The following PCP4 variants were observed in gnomAD, a reference collection of about 807,000 sequenced individuals.
The protein encoded by PCP4 is Purkinje cell protein 4, also known as calmodulin regulator protein PCP4.
Under a neutral mutation model 10.0 loss-of-function variants are expected in PCP4, and 8 were observed. The ratio of observed to expected loss-of-function variants is 0.80; its 90% CI spans 0.47 to 1.45. The LOEUF (loss-of-function observed/expected upper bound fraction) is 1.45, where lower values mean the gene tolerates loss of function less well. Among genes scored for constraint, PCP4 ranks in the 40% most tolerant of loss-of-function variants. PCP4 has a pLI of 0.00. For synonymous variants in PCP4, 21 were observed against 23.0 expected, an observed-to-expected ratio of 0.91 and a Z score of 0.24; for missense variants, 54 against 74.4, an observed-to-expected ratio of 0.73 and a Z score of 1.01.
intron 2 of PCP4, among the ~76,000 whole-genome samples, chr21:39,912,879 T>C (rs1197226242): frequency 6.6e-6 from 1 of 152,058 alleles, no homozygotes; most frequent in African/African-American, 2.4e-5. Context: ...CCAGATAACT[T>C]ATTTTTTGAA....
chr21:39,895,501 A>G (rs1251609606), intron 1 of PCP4, among the ~76,000 whole-genome samples: 2 of 152,230 alleles, frequency 1.3e-5, no homozygotes, highest in Non-Finnish European at 2.9e-5. Context: ...TGCTGCACAC[A>G]GTACTGAGAG....
rs989498580 is a variant in PCP4 at position 39,924,836 on chromosome 21, C to T, written c.62-4148C>T. ...CGGCATGAGCCACCACACCTGGCCC[C>T]GGGTTTTGTTTATTCCCTGGCCAGC... On this transcript the variant is annotated intron_variant, in intron 2 of 2. Transcript: ENST00000328619. Among the ~76,000 whole-genome samples the T allele has an allele frequency of 2.6e-5, 4 of 152,338 alleles. No individual in the cohort carries two copies. The East Asian group carries it at 5.8e-4, about 22-fold the overall frequency.
intron 2 of PCP4, among the ~76,000 whole-genome samples, chr21:39,928,262 T>C (rs1180640941): frequency 1.3e-5 from 2 of 152,176 alleles, no homozygotes; most frequent in Non-Finnish European, 2.9e-5. Context: ...TTGATTTATT[T>C]GTTTTTCCGT....
At chr21:39,870,242 A>G (rs1441431646) in intron 1 of PCP4, among the ~76,000 whole-genome samples, 1 of 152,266 alleles carries the variant, frequency 6.6e-6, no homozygotes, top group African/African-American at 2.4e-5. Context: ...GATAGAAAAG[A>G]ACAGCTCAGG....
intron 2 of PCP4, among the ~76,000 whole-genome samples, chr21:39,923,869 C>G (rs559273595): frequency 5.9e-5 from 9 of 152,200 alleles, no homozygotes; most frequent in Non-Finnish European, 2.9e-5. Flanking sequence ...TGTGTGCCCT[C>G]GTAGCTAAGG....
intron 1 of PCP4, among the ~76,000 whole-genome samples, chr21:39,877,533 A>T (rs1444794877): frequency 7.9e-6 from 1 of 126,634 alleles, no homozygotes; most frequent in Non-Finnish European, 1.6e-5. Context: ...CCAAAAATTA[A>T]AAAAAAAAAA....
In PCP4 at chr21:39,919,428, C is replaced by T. The variant is rs897291446; in HGVS notation, c.62-9556C>T. 2.0e-5 allele frequency among the ~76,000 whole-genome samples: 3 copies of T among 152,332 alleles called. No individual in the cohort carries two copies. The East Asian group carries it at 5.8e-4, about 29-fold the overall frequency. ...TTAAATGACTGTTATTTCTTTATAG[C>T]TTGCTAAAATTTAGGTCCTTTTATA... On this transcript the variant is annotated intron_variant, in intron 2 of 2. Coordinates refer to ENST00000328619, the MANE Select transcript of PCP4 (RefSeq NM_006198.3).
At chr21:39,886,737 C>A (rs372955080) in intron 1 of PCP4, among the ~76,000 whole-genome samples, 2 of 152,160 alleles carry the variant, frequency 1.3e-5, no homozygotes. Context: ...ACACAGAAGT[C>A]ATTAAATAGC....
At chr21:39,914,212 C>T (rs1268577576) in intron 2 of PCP4, among the ~76,000 whole-genome samples, 1 of 152,126 alleles carries the variant, frequency 6.6e-6, no homozygotes, top group African/African-American at 2.4e-5. Flanking sequence ...GGGCTCTTAC[C>T]AGCCTTTGTC....
intron 2 of PCP4, among the ~76,000 whole-genome samples, chr21:39,922,557 G>A (rs182487239): frequency 1.5e-4 from 23 of 152,162 alleles, no homozygotes; most frequent in African/African-American, 4.3e-4. Flanking sequence ...GCCTCAGGGA[G>A]CATCATTTCT....
At chr21:39,909,476 G>A (rs941397960) in intron 2 of PCP4, among the ~76,000 whole-genome samples, 5 of 152,178 alleles carry the variant, frequency 3.3e-5, no homozygotes, top group Non-Finnish European at 5.9e-5. Context: ...TCACTAAGGA[G>A]CAGATGCTTC....
chr21:39,868,193 C>T (rs1449344997), intron 1 of PCP4, among the ~76,000 whole-genome samples: 1 of 152,166 alleles, frequency 6.6e-6, no homozygotes, highest in Non-Finnish European at 1.5e-5. Context: ...CTAAAATCAT[C>T]TTCTCCTTTT....
chr21:39,880,072 C>T (rs114287265), intron 1 of PCP4, among the ~76,000 whole-genome samples: 43 of 152,010 alleles, frequency 2.8e-4, no homozygotes, highest in African/African-American at 1.0e-3. Context: ...AAACATAATT[C>T]CATTATCTTT....
intron 2 of PCP4, among the ~76,000 whole-genome samples, chr21:39,902,604 A>G (rs2087486633): frequency 1.3e-5 from 2 of 152,204 alleles, no homozygotes; most frequent in Non-Finnish European, 2.9e-5. Flanking sequence ...ATGTTTCAAA[A>G]TCCTTCTCAT....
chr21:39,912,185 C>T (rs1201043021), intron 2 of PCP4, among the ~76,000 whole-genome samples: 3 of 152,126 alleles, frequency 2.0e-5, no homozygotes, highest in Non-Finnish European at 2.9e-5. Flanking sequence ...TCCCTTGAGC[C>T]ATGGCAGCTC....
At chr21:39,919,874 G>A (rs2087586570) in intron 2 of PCP4, among the ~76,000 whole-genome samples, 1 of 150,088 alleles carries the variant, frequency 6.7e-6, no homozygotes, top group Non-Finnish European at 1.5e-5. Context: ...TGGTGTGTAT[G>A]AGTGCGTGTG....
intron 1 of PCP4, among the ~76,000 whole-genome samples, chr21:39,885,456 T>C (rs1166896989): frequency 6.6e-6 from 1 of 152,200 alleles, no homozygotes; most frequent in Non-Finnish European, 1.5e-5. Context: ...GAGAAGGACA[T>C]CAGGCTGGCG....
At chr21:39,879,869 C>T (rs548355699) in intron 1 of PCP4, among the ~76,000 whole-genome samples, 3 of 152,244 alleles carry the variant, frequency 2.0e-5, no homozygotes, top group Admixed American at 1.3e-4. Flanking sequence ...CAATACGATG[C>T]CCCTTGTTAA....
chr21:39,894,939 C>T (rs551887339), intron 1 of PCP4, among the ~76,000 whole-genome samples: 48 of 152,300 alleles, frequency 3.2e-4, no homozygotes, highest in African/African-American at 9.9e-4. Flanking sequence ...AGAATCTTTT[C>T]GTTGGTTGCT....
Sources: gnomAD v4.1 joint callset for allele counts (sites outside exome capture counted in the v4.1 genomes callset) on GRCh38, gnomAD v4.1.1 for gene constraint, MANE v1.5 for transcripts, NCBI Gene and HGNC (gene_info 2026-07-23, HGNC 2026-07-21) for gene names.